Variants in RGS12 observed in about 807,000 individuals in gnomAD.
RGS12 encodes regulator of G protein signaling 12, also known as regulator of G-protein signaling 12.
In RGS12, 66 loss-of-function variants were observed where a neutral mutation model predicts 120.1. The observed-to-expected ratio is 0.55, with a 90% confidence interval of 0.45 to 0.67. RGS12 has a LOEUF of 0.67. RGS12 is among the 30% of genes least tolerant of loss of function. The probability of loss-of-function intolerance (pLI) is 0.00; values close to 1 mark genes in which losing one functional copy is unlikely to be tolerated. For missense variants in RGS12, 1,859 were observed against 1,957.7 expected (o/e 0.95, Z 0.95); for synonymous variants, 827 against 804.7 (o/e 1.03, Z -0.47).
At chr4:3,305,765 A>G (rs573532927) in intron 1 of RGS12, among the ~76,000 whole-genome samples, 1 of 152,110 alleles carries the variant, frequency 6.6e-6, no homozygotes, top group African/African-American at 2.4e-5. Flanking sequence ...TCCTTGTTCA[A>G]GTGTCATGAT....
At chr4:3,342,187 CCCTT>C (rs1022606689) in intron 2 of RGS12, among the ~76,000 whole-genome samples, 21 of 152,056 alleles carry the variant, frequency 1.4e-4, no homozygotes, top group African/African-American at 5.1e-4. Context: ...TAAACAGGTT[CCCTT>C]CCTTCAAGCC....
At chr4:3,388,996 T>A (rs1009146309) in intron 4 of RGS12, among the ~76,000 whole-genome samples, 6 of 152,148 alleles carry the variant, frequency 3.9e-5, no homozygotes, top group Non-Finnish European at 8.8e-5. Context: ...TTTTGGTGAT[T>A]AATAGATCAC....
At chr4:3,437,478 G>A (rs1182461136) in intron 17 of RGS12, among the ~76,000 whole-genome samples, 4 of 152,174 alleles carry the variant, frequency 2.6e-5, no homozygotes. Context: ...GCGAGAGGGG[G>A]CAAACCCCTG....
At chr4:3,410,988 C>T (rs138033868) in intron 4 of RGS12, among the ~76,000 whole-genome samples, 333 of 152,338 alleles carry the variant, frequency 2.2e-3, no homozygotes, top group Non-Finnish European at 3.4e-3. Flanking sequence ...CTGAGATTTG[C>T]GCCTCTGTGC....
At chr4:3,434,009 A>G (rs1422284135) in intron 17 of RGS12, among the ~76,000 whole-genome samples, 1 of 152,236 alleles carries the variant, frequency 6.6e-6, no homozygotes, top group Non-Finnish European at 1.5e-5. Context: ...GCACGCTGGC[A>G]GAGGTGTGCA....
Position 3,412,198 on chromosome 4 carries a change from G to A in RGS12, c.2021-1874G>A, listed in dbSNP as rs1347294258. Among the ~76,000 whole-genome samples, 6 of 152,096 alleles carry A rather than the reference G, an allele frequency of 3.9e-5. No homozygotes were observed. The East Asian group carries it at 9.6e-4, about 24-fold the overall frequency. On this transcript the variant is annotated intron_variant, in intron 4 of 17. Transcript: ENST00000336727. ...GCACTTTGAATGACTCCTGCCGAGC[G>A]TAGCCTCTGGCTGCCATGCTGACCA...
In RGS12 at chr4:3,340,925, G is replaced by C. The variant is rs138540399; in HGVS notation, c.1882-2012G>C. On this transcript the variant is annotated intron_variant, in intron 2 of 17. Coordinates refer to ENST00000336727, the MANE Select transcript of RGS12 (RefSeq NM_001394154.1). ...AGCTTGGAGTGTGCTTGACACCTGT[G>C]TTGGCCGGTCCATCTGGCACCTGGC... 4.9e-3 allele frequency among the ~76,000 whole-genome samples: 743 copies of C among 152,240 alleles called. 4 individuals are homozygous for C. Among genetic ancestry groups the C allele is most frequent in the Non-Finnish European group, 8.1e-3 (550 of 68,024 alleles).
Position 3,305,475 on chromosome 4 carries a change from G to A in RGS12, c.-101-10595G>A, listed in dbSNP as rs528114175. On this transcript the variant is annotated intron_variant, in intron 1 of 17. Transcript: ENST00000336727. ...GCGTCATCCTCTAAACTGGCTCTAGGTGGGCTGAGATGCAGCTCCTGGGGT... is the reference window on the plus strand; with the variant it reads ...GCGTCATCCTCTAAACTGGCTCTAGATGGGCTGAGATGCAGCTCCTGGGGT... Among the ~76,000 whole-genome samples the A allele has an allele frequency of 2.6e-5, 4 of 152,320 alleles. No individual in the cohort carries two copies. In the South Asian group the frequency reaches 6.2e-4, roughly 24 times the overall value.
In RGS12 at chr4:3,430,388, C is replaced by T. The variant is rs759704989; in HGVS notation, c.3566-19C>T. ...TGAAACTCTCTAAAACACGGTCACT[C>T]TGGGTTTTCTTCCAATAGAGTTTTT... On this transcript the variant is annotated intron_variant, in intron 16 of 17. Coordinates refer to ENST00000336727, the MANE Select transcript of RGS12 (RefSeq NM_001394154.1). 6.3e-7 allele frequency: 1 copy of T among 1,598,352 alleles called. No homozygotes were observed. Among genetic ancestry groups the T allele is most frequent in the Non-Finnish European group, 8.5e-7 (1 of 1,170,220 alleles).
chr4:3,409,596 G>T (rs898518619), intron 4 of RGS12, among the ~76,000 whole-genome samples: 4 of 152,210 alleles, frequency 2.6e-5, no homozygotes, highest in Non-Finnish European at 4.4e-5. Context: ...AGTGGCCAGG[G>T]AACAGGGGAG....
At chr4:3,411,879 C>A (rs192960151) in intron 4 of RGS12, among the ~76,000 whole-genome samples, 367 of 152,410 alleles carry the variant, frequency 2.4e-3, no homozygotes, top group Middle Eastern at 0.02. Flanking sequence ...CGTGTGAGCG[C>A]TGGTGCGCGT....
chr4:3,332,973 A>G (rs1192424782), intron 2 of RGS12, among the ~76,000 whole-genome samples: 2 of 143,244 alleles, frequency 1.4e-5, no homozygotes, highest in South Asian at 4.5e-4. Context: ...TTACGGGCAC[A>G]TGCCACCACA....
At chr4:3,383,984 C>T (rs151172711) in intron 3 of RGS12, among the ~76,000 whole-genome samples, 21 of 152,300 alleles carry the variant, frequency 1.4e-4, no homozygotes, top group Middle Eastern at 3.4e-3. Context: ...CTGCCAGATT[C>T]TGAGAATTGA....
chr4:3,394,634 T>C (rs994859492), intron 4 of RGS12, among the ~76,000 whole-genome samples: 25 of 152,222 alleles, frequency 1.6e-4, no homozygotes, highest in Non-Finnish European at 1.5e-5. Context: ...GCATTTTTGT[T>C]GCAATTGTTT....
chr4:3,422,330 C>T, intron 10 of RGS12, 46 bp from the exon 11 acceptor site: 1 of 1,560,408 alleles, frequency 6.4e-7, no homozygotes, highest in East Asian at 2.3e-5. Context: ...CCCCGCACCC[C>T]TGTGACGCTG....
chr4:3,371,547 G>A lies in RGS12; in HGVS notation c.1999-14869G>A, dbSNP rs549803707. Among the ~76,000 whole-genome samples the A allele has an allele frequency of 2.0e-5, 3 of 152,322 alleles. No homozygotes were observed. In the Middle Eastern group the frequency reaches 0.01, roughly 518 times the overall value. On this transcript the variant is annotated intron_variant, in intron 3 of 17. Transcript: ENST00000336727. ...TACATGATTTGGACTTCCTTTTGAA[G>A]CTCTTGCAAATGCTTACACTGGCAG...
chr4:3,414,320 T>G (rs928693801), intron 5 of RGS12, 79 bp downstream of exon 5: 96 of 1,432,668 alleles, frequency 6.7e-5, no homozygotes, highest in Admixed American at 1.5e-4. Context: ...TGGGCCGCCC[T>G]AGAGACAGCG....
intron 2 of RGS12, among the ~76,000 whole-genome samples, chr4:3,321,508 G>T (rs1725188148): frequency 6.6e-6 from 1 of 152,216 alleles, no homozygotes; most frequent in Non-Finnish European, 1.5e-5. Context: ...GGCAGGGTGG[G>T]TTTGGCGCTG....
intron 2 of RGS12, among the ~76,000 whole-genome samples, chr4:3,341,200 G>T (rs1199424301): frequency 8.7e-6 from 1 of 115,518 alleles, no homozygotes; most frequent in East Asian, 2.5e-4. Context: ...AGATGGGGGT[G>T]TGGGCAGGGA....
Sources: allele counts gnomAD v4.1 joint callset (sites outside exome capture counted in the v4.1 genomes callset), GRCh38; gene constraint gnomAD v4.1.1; transcripts MANE v1.5; gene names NCBI Gene and HGNC (gene_info 2026-07-23, HGNC 2026-07-21).